The following SHC4 variants were observed in gnomAD, a reference collection of about 807,000 sequenced individuals.
SHC4 encodes SHC-transforming protein 4.
Under a neutral mutation model 69.4 loss-of-function variants are expected in SHC4, and 41 were observed. The observed-to-expected ratio is 0.59, with a 90% confidence interval of 0.46 to 0.77. SHC4 has a LOEUF of 0.77. Ranked by LOEUF, SHC4 falls within the 30% of genes least tolerant of loss-of-function variation. The pLI, the probability that SHC4 is intolerant of heterozygous loss-of-function variation, is 0.00. For synonymous variants in SHC4, 318 were observed against 299.3 expected, an observed-to-expected ratio of 1.06 and a Z score of -0.64; for missense variants, 777 against 783.8, an observed-to-expected ratio of 0.99 and a Z score of 0.10.
chr15:48,902,338 T>C (rs914446771), intron 2 of SHC4, among the ~76,000 whole-genome samples: 14 of 152,214 alleles, frequency 9.2e-5, no homozygotes, highest in Non-Finnish European at 1.5e-5. Context: ...CTATCATGTG[T>C]ATAGTAACGG....
intron 2 of SHC4, among the ~76,000 whole-genome samples, chr15:48,891,378 A>G (rs1900135653): frequency 6.6e-6 from 1 of 152,226 alleles, no homozygotes; most frequent in African/African-American, 2.4e-5. Flanking sequence ...AAAGAAATCA[A>G]TATCAAATTT....
Position 48,963,006 on chromosome 15 carries a change from G to A in SHC4, c.10C>T (p.Arg4Cys), listed in dbSNP as rs1439232930. 75 of 1,606,764 alleles carry A rather than the reference G, an allele frequency of 4.7e-5. No homozygotes were observed. The highest frequency in any genetic ancestry group is 6.0e-5 in the Non-Finnish European group (71 of 1,176,206). Residue 4 changes from arginine (R) to cysteine (C), a missense_variant, in exon 1 of 12, where the codon CGC becomes TGC. By Grantham distance (180) the Arg-to-Cys change is radical (BLOSUM62 -3). Coordinates refer to ENST00000332408, the MANE Select transcript of SHC4 (RefSeq NM_203349.4). MRE[R>C]GQDSLAGLVL... ...AGTCCTGCCAGGCTGTCCTGGCCGC[G>A]TTCTCGCATAGCCTTGGCAGTGCTG...
At chr15:48,895,036 C>T (rs1173031246) in intron 2 of SHC4, among the ~76,000 whole-genome samples, 1 of 151,984 alleles carries the variant, frequency 6.6e-6, no homozygotes, top group Non-Finnish European at 1.5e-5. Flanking sequence ...AACTCCTGGG[C>T]TCAAGTGAGT....
intron 4 of SHC4, among the ~76,000 whole-genome samples, chr15:48,881,824 G>C (rs969242281): frequency 6.6e-6 from 1 of 151,972 alleles, no homozygotes; most frequent in Non-Finnish European, 1.5e-5. Context: ...CCTGAAATAT[G>C]GTAATATTTA....
chr15:48,843,185 T>C (rs1899025136), intron 10 of SHC4, among the ~76,000 whole-genome samples: 1 of 152,100 alleles, frequency 6.6e-6, no homozygotes, highest in Non-Finnish European at 1.5e-5. Flanking sequence ...ATTAGAGTGA[T>C]GTGTCTACAA....
chr15:48,935,734 C>T (rs1377416723), intron 1 of SHC4, among the ~76,000 whole-genome samples: 1 of 152,022 alleles, frequency 6.6e-6, no homozygotes, highest in Non-Finnish European at 1.5e-5. Context: ...TAGGGCATCT[C>T]CTGCCCTGGA....
intron 1 of SHC4, among the ~76,000 whole-genome samples, chr15:48,927,449 G>C (rs551766906): frequency 3.3e-5 from 5 of 152,264 alleles, no homozygotes; most frequent in African/African-American, 1.2e-4. Flanking sequence ...TGGCCCATCC[G>C]TGCACACTTT....
chr15:48,898,839 A>G (rs1595749836), intron 2 of SHC4, among the ~76,000 whole-genome samples: 1 of 152,356 alleles, frequency 6.6e-6, no homozygotes, highest in Middle Eastern at 3.4e-3. Context: ...GGTTAAAGAA[A>G]TGACAATAAG....
chr15:48,842,603 G>C (rs1899012747), intron 10 of SHC4, among the ~76,000 whole-genome samples: 1 of 152,146 alleles, frequency 6.6e-6, no homozygotes, highest in African/African-American at 2.4e-5. Context: ...CTTGAAATAT[G>C]AGATAGTACA....
chr15:48,872,466 C>A (rs1185300979), intron 4 of SHC4, among the ~76,000 whole-genome samples: 1 of 152,206 alleles, frequency 6.6e-6, no homozygotes, highest in Non-Finnish European at 1.5e-5. Flanking sequence ...GAGAAAGCAT[C>A]TCTCTCTGCC....
chr15:48,946,633 A>G (rs1901281874), intron 1 of SHC4: 9 of 978,560 alleles, frequency 9.2e-6, no homozygotes, highest in Non-Finnish European at 9.7e-6. Context: ...TCATGTTGAG[A>G]TTTTTCACTG....
At chr15:48,876,468 C>T (rs894856795) in intron 4 of SHC4, 14 of 386,770 alleles carry the variant, frequency 3.6e-5, no homozygotes, top group South Asian at 2.4e-4. Context: ...CACACACACA[C>T]GTATATACAC....
At chr15:48,905,070 G>A (rs920299140) in intron 2 of SHC4, among the ~76,000 whole-genome samples, 5 of 152,008 alleles carry the variant, frequency 3.3e-5, no homozygotes, top group Non-Finnish European at 2.9e-5. Context: ...GGTTTAGCAC[G>A]TCAAATCCTA....
chr15:48,863,755 T>C (rs1338132378), intron 6 of SHC4, among the ~76,000 whole-genome samples: 2 of 152,192 alleles, frequency 1.3e-5, no homozygotes. Flanking sequence ...TTATAATTTG[T>C]GTGTCTGATT....
At chr15:48,847,408 T>A (rs1193827133) in intron 9 of SHC4, among the ~76,000 whole-genome samples, 1 of 152,206 alleles carries the variant, frequency 6.6e-6, no homozygotes, top group African/African-American at 2.4e-5. Context: ...TTGTTTTCCA[T>A]GAGGGAATTT....
At chr15:48,913,810 C>T (rs979776141) in intron 2 of SHC4, among the ~76,000 whole-genome samples, 2 of 152,196 alleles carry the variant, frequency 1.3e-5, no homozygotes, top group Admixed American at 6.5e-5. Context: ...TTTCGTTCAG[C>T]TCTCCAAATT....
chr15:48,935,789 G>A (rs566973020), intron 1 of SHC4, among the ~76,000 whole-genome samples: 1 of 152,174 alleles, frequency 6.6e-6, no homozygotes, highest in African/African-American at 2.4e-5. Flanking sequence ...TGGACAGAGA[G>A]ATGAGCTGCT....
At chr15:48,837,971 A>C (rs991925583) in intron 10 of SHC4, among the ~76,000 whole-genome samples, 1 of 152,232 alleles carries the variant, frequency 6.6e-6, no homozygotes, top group African/African-American at 2.4e-5. Context: ...TGGCACACTG[A>C]TGAATCCCAT....
chr15:48,825,419 A>G lies in SHC4; in HGVS notation c.*552T>C, dbSNP rs1300885353. ...CTGACATACACACAGTTCGAATTCA[A>G]TGTCATATTTATTTTAACATTGCAG... On this transcript the variant is annotated 3_prime_UTR_variant, in exon 12 of 12. Transcript: ENST00000332408. The G allele has an allele frequency of 1.3e-5, 2 of 152,654 alleles. No homozygotes were observed. The highest frequency in any genetic ancestry group is 4.8e-5 in the African/African-American group (2 of 41,450). The allele number at this position is 152,654 out of a possible 1,614,324, so 9.5% of individuals were successfully genotyped here. A position where few individuals can be genotyped will look rare whatever the true frequency, so the allele number is the denominator to read the frequency against.
Sources: gnomAD v4.1 joint callset for allele counts (sites outside exome capture counted in the v4.1 genomes callset) on GRCh38, gnomAD v4.1.1 for gene constraint, MANE v1.5 for transcripts, NCBI Gene and HGNC (gene_info 2026-07-23, HGNC 2026-07-21) for gene names.